The following LRRTM4 variants were observed in gnomAD, a reference collection of about 807,000 sequenced individuals.
LRRTM4 encodes leucine rich repeat transmembrane neuronal 4.
A neutral mutation model predicts 47.6 loss-of-function variants in LRRTM4; 25 were observed. That is an observed-to-expected ratio of 0.53 (90% CI 0.38 to 0.73). The LOEUF is 0.73. Ranked by LOEUF, LRRTM4 falls within the 30% of genes least tolerant of loss-of-function variation. The pLI, the probability that LRRTM4 is intolerant of heterozygous loss-of-function variation, is 0.00. For missense variants in LRRTM4, 638 were observed against 713.4 expected (o/e 0.89, Z 1.20); for synonymous variants, 311 against 269.5 (o/e 1.15, Z -1.51).
At position 77,323,265 on chromosome 2, in the gene LRRTM4, C is replaced by T. The variant is rs538430334; in HGVS notation, c.1551+195053G>A. Among the ~76,000 whole-genome samples the T allele has an allele frequency of 2.2e-4, 34 of 152,184 alleles. No homozygotes were observed. The South Asian group carries it at 4.6e-3, about 20-fold the overall frequency. On this transcript the variant is annotated intron_variant, in intron 3 of 3. Transcript: ENST00000409884. ...TTCCCCAGAATTTTTTGGTGGTCAG[C>T]GGAGGAACAGTCTCTGAACTGGAAA... is the stretch of plus-strand genomic sequence containing the variant.
intron 3 of LRRTM4, among the ~76,000 whole-genome samples, chr2:76,905,179 ATTTGCAGT>A (rs1171162082): frequency 6.6e-6 from 1 of 152,152 alleles, no homozygotes; most frequent in Non-Finnish European, 1.5e-5. Flanking sequence ...AGACAGCAGC[ATTTGCAGT>A]TCACGAAAAA....
chr2:77,357,390 C>T (rs951602355), intron 3 of LRRTM4, among the ~76,000 whole-genome samples: 1 of 152,114 alleles, frequency 6.6e-6, no homozygotes, highest in Non-Finnish European at 1.5e-5. Context: ...ATAGAAAATA[C>T]AAGATCATGG....
chr2:76,875,370 G>C (rs1234522329), intron 3 of LRRTM4, among the ~76,000 whole-genome samples: 1 of 151,928 alleles, frequency 6.6e-6, no homozygotes, highest in Non-Finnish European at 1.5e-5. Context: ...CATAAACTTT[G>C]TATGTGACTC....
chr2:77,248,235 GTGTT>G (rs1252106150), intron 3 of LRRTM4, among the ~76,000 whole-genome samples: 1 of 151,532 alleles, frequency 6.6e-6, no homozygotes, highest in Non-Finnish European at 1.5e-5. Context: ...GAGTATATGT[GTGTT>G]TGTATATGTT....
chr2:76,867,180 C>T (rs1460906225), intron 3 of LRRTM4, among the ~76,000 whole-genome samples: 3 of 152,108 alleles, frequency 2.0e-5, no homozygotes, highest in Non-Finnish European at 2.9e-5. Context: ...CACATATATA[C>T]TTATGTAACA....
At chr2:76,762,946 T>A (rs570195908) in intron 3 of LRRTM4, among the ~76,000 whole-genome samples, 1 of 152,264 alleles carries the variant, frequency 6.6e-6, no homozygotes, top group East Asian at 1.9e-4. Context: ...CCTTGATGGG[T>A]AGAGTTTATG....
chr2:77,409,742 T>A (rs1238393010), intron 3 of LRRTM4, among the ~76,000 whole-genome samples: 1 of 152,236 alleles, frequency 6.6e-6, no homozygotes, highest in Non-Finnish European at 1.5e-5. Flanking sequence ...AGTTTATTTT[T>A]AGTTTTACTG....
chr2:77,290,724 T>C (rs1237728279), intron 3 of LRRTM4, among the ~76,000 whole-genome samples: 1 of 152,048 alleles, frequency 6.6e-6, no homozygotes, highest in Non-Finnish European at 1.5e-5. Context: ...GTCCAACCTC[T>C]AGGATTAGCC....
chr2:77,352,575 G>C (rs1403805689), intron 3 of LRRTM4, among the ~76,000 whole-genome samples: 2 of 152,068 alleles, frequency 1.3e-5, no homozygotes, highest in East Asian at 3.9e-4. Flanking sequence ...TTCATTTGAG[G>C]AGAGACCAAG....
intron 3 of LRRTM4, among the ~76,000 whole-genome samples, chr2:76,900,714 C>T (rs998735936): frequency 2.0e-5 from 3 of 151,954 alleles, no homozygotes; most frequent in Admixed American, 6.6e-5. Flanking sequence ...TCATAAAAAT[C>T]GAGATAATAG....
intron 3 of LRRTM4, among the ~76,000 whole-genome samples, chr2:77,088,037 A>C (rs1170051823): frequency 6.6e-6 from 1 of 152,224 alleles, no homozygotes. Context: ...GACAACAAAT[A>C]CAAGTAAGTG....
intron 3 of LRRTM4, among the ~76,000 whole-genome samples, chr2:76,785,438 T>C (rs1368455347): frequency 6.6e-6 from 1 of 152,116 alleles, no homozygotes. Flanking sequence ...TAAAGGCACA[T>C]TTAATGAGAG....
chr2:76,931,542 T>G (rs1295948169), intron 3 of LRRTM4, among the ~76,000 whole-genome samples: 3 of 152,238 alleles, frequency 2.0e-5, no homozygotes, highest in Non-Finnish European at 4.4e-5. Context: ...TCTCCACCAC[T>G]TTCATCACTC....
At position 77,294,813 on chromosome 2, in the gene LRRTM4, AT is replaced by A; in HGVS notation, c.1551+223504del. On this transcript the variant is annotated intron_variant, in intron 3 of 3. Coordinates refer to ENST00000409884, the MANE Select transcript of LRRTM4 (RefSeq NM_001134745.3). ...CAACTATGGCAACAGGGAACTCGAA[AT>A]GACACTGGAAAAGAATTGAGCTCAG... Among the ~76,000 whole-genome samples the A allele has an allele frequency of 3.9e-5, 6 of 152,306 alleles. 2 individuals are homozygous for A. In the Middle Eastern group the frequency reaches 0.02, roughly 518 times the overall value.
At chr2:77,356,393 T>G (rs1671970263) in intron 3 of LRRTM4, among the ~76,000 whole-genome samples, 2 of 151,922 alleles carry the variant, frequency 1.3e-5, no homozygotes, top group Admixed American at 6.6e-5. Flanking sequence ...AAATAATAAC[T>G]GAAAATACAT....
chr2:76,975,744 T>C (rs1246307960), intron 3 of LRRTM4, among the ~76,000 whole-genome samples: 1 of 151,774 alleles, frequency 6.6e-6, no homozygotes, highest in African/African-American at 2.4e-5. Context: ...ATAATAGGCC[T>C]TGAAGCATCC....
chr2:77,249,203 A>G (rs955482416), intron 3 of LRRTM4, among the ~76,000 whole-genome samples: 1 of 151,948 alleles, frequency 6.6e-6, no homozygotes, highest in African/African-American at 2.4e-5. Context: ...TACAAAAATT[A>G]GCTGGGCTTG....
intron 3 of LRRTM4, among the ~76,000 whole-genome samples, chr2:76,901,504 T>G (rs1292716890): frequency 6.6e-6 from 1 of 152,080 alleles, no homozygotes; most frequent in Non-Finnish European, 1.5e-5. Flanking sequence ...CAGTGTTAAG[T>G]CTAGTTTCTT....
At chr2:77,162,198 C>T (rs983286999) in intron 3 of LRRTM4, among the ~76,000 whole-genome samples, 1 of 152,304 alleles carries the variant, frequency 6.6e-6, no homozygotes, top group African/African-American at 2.4e-5. Flanking sequence ...CAGAGGATCC[C>T]ACACCCACGG....
Sources: gnomAD v4.1 joint callset for allele counts (sites outside exome capture counted in the v4.1 genomes callset) on GRCh38, gnomAD v4.1.1 for gene constraint, MANE v1.5 for transcripts, NCBI Gene and HGNC (gene_info 2026-07-23, HGNC 2026-07-21) for gene names.